The following CEBPZ variants were observed in gnomAD, a reference collection of about 807,000 sequenced individuals.
CEBPZ encodes CCAAT/enhancer-binding protein zeta.
CEBPZ carries 78 observed loss-of-function variants against 104.5 expected under a neutral mutation model. That is an observed-to-expected ratio of 0.75 (90% confidence interval 0.62 to 0.90). The LOEUF (loss-of-function observed/expected upper bound fraction) is 0.90. Ranked by LOEUF, CEBPZ falls within the 40% of genes least tolerant of loss-of-function variation. CEBPZ has a pLI of 0.00. For missense variants in CEBPZ, 1,439 were observed against 1,233.5 expected (o/e 1.17, Z -2.50); for synonymous variants, 470 against 427.0 (o/e 1.10, Z -1.24).
At chr2:37,213,748 T>C in intron 10 of CEBPZ, 116 bp downstream of exon 10, 1 of 672,626 alleles carries the variant, frequency 1.5e-6, no homozygotes, top group Non-Finnish European at 2.5e-6. Flanking sequence ...GTGATTTGCA[T>C]GATATTCTTA....
At chr2:37,215,826 T>A (rs113912805) in intron 8 of CEBPZ, among the ~76,000 whole-genome samples, 2 of 151,962 alleles carry the variant, frequency 1.3e-5, no homozygotes, top group African/African-American at 4.8e-5. Flanking sequence ...TACATAGGGG[T>A]TGTGGATGAA....
intron 12 of CEBPZ, 51 bp from the exon 13 acceptor site, chr2:37,211,133 G>A (rs1258000986): frequency 8.4e-7 from 1 of 1,188,832 alleles, no homozygotes; most frequent in Non-Finnish European, 1.2e-6. Context: ...AATAAGACTG[G>A]AAAATATTAC....
intron 8 of CEBPZ, 50 bp from the exon 9 acceptor site, chr2:37,215,002 T>C: frequency 8.4e-7 from 1 of 1,185,266 alleles, no homozygotes; most frequent in Non-Finnish European, 1.3e-6. Context: ...ATCCCCTTTA[T>C]GTTACTCAAG....
Position 37,228,944 on chromosome 2 carries a change from TTC to T in CEBPZ, c.247_248del (p.Glu83IlefsTer9), listed in dbSNP as rs1321720903. The T allele has an allele frequency of 5.0e-6, 8 of 1,611,184 alleles. No homozygotes were observed. The highest frequency in any genetic ancestry group is 6.8e-6 in the Non-Finnish European group (8 of 1,179,108). On this transcript the variant is annotated frameshift_variant, in exon 2 of 16. Coordinates refer to ENST00000234170, the MANE Select transcript of CEBPZ (RefSeq NM_005760.3). LOFTEE classifies it high-confidence loss of function. ...KGAIDDLQQGELEAFIQNLNL... is the reference protein window; with the variant it reads ...KGAIDDLQQGXLEAFIQNLNL... ...TAAGATTTTGAATAAATGCTTCCAA[TTC>T]ACCTTGCTGAAGGTCATCGATTGCT...
chr2:37,208,288 ATCAT>A (rs572361043), intron 13 of CEBPZ, among the ~76,000 whole-genome samples: 2 of 152,108 alleles, frequency 1.3e-5, no homozygotes, highest in Non-Finnish European at 2.9e-5. Flanking sequence ...TCCTCCCTAA[ATCAT>A]TCAATGAAGC....
rs1276428402 is a variant in CEBPZ at position 37,212,365 on chromosome 2, C to T, written c.2573G>A (p.Ser858Asn). ...IDTFEDDNCFSSGKDDMDFAG... is the reference protein window; with the variant it reads ...IDTFEDDNCFNSGKDDMDFAG... Reference sequence around the variant, plus strand: ...AAAATCCATATCATCCTTTCCAGAGCTGAAACAGTTATCATCTTCAAATGT... The same window carrying T: ...AAAATCCATATCATCCTTTCCAGAGTTGAAACAGTTATCATCTTCAAATGT... Residue 858 changes from serine to asparagine, a missense_variant, in exon 11 of 16, where the codon AGC becomes AAC. Transcript: ENST00000234170. The T allele has an allele frequency of 3.1e-6, 5 of 1,613,566 alleles. No individual in the cohort carries two copies. The highest frequency in any genetic ancestry group is 8.5e-7 in the Non-Finnish European group (1 of 1,179,760).
Position 37,227,969 on chromosome 2 carries a change from T to C in CEBPZ, c.1224A>G (p.Thr408=), listed in dbSNP as rs1237659683. 2 of 1,614,226 alleles carry C rather than the reference T, an allele frequency of 1.2e-6. No individual in the cohort carries two copies. The highest frequency in any genetic ancestry group is 1.6e-4 in the Middle Eastern group (1 of 6,062). The part of the protein sequence containing the change: ...IATKASHLLE[T]LLCKHPNMKG... ...TCATATTGGGATGTTTACAAAGTAA[T>C]GTCTCTAACAGATGGGATGCTTTTG... The change falls in exon 2 of 16, where the codon ACA becomes ACG. Residue 408 remains threonine, a synonymous_variant. Coordinates refer to ENST00000234170, the MANE Select transcript of CEBPZ (RefSeq NM_005760.3).
intron 13 of CEBPZ, chr2:37,204,767 A>G (rs1030065495): frequency 5.3e-5 from 8 of 152,216 alleles, no homozygotes; most frequent in African/African-American, 1.2e-4. Flanking sequence ...GTTTCAGTCA[A>G]TTCTGTTGGG....
intron 6 of CEBPZ, 143 bp downstream of exon 6, chr2:37,216,841 G>C: frequency 1.4e-6 from 1 of 696,504 alleles, no homozygotes. Context: ...TACTCTGTAT[G>C]AAACAAGTCA....
rs569299504 is a variant in CEBPZ at position 37,211,913 on chromosome 2, T to G, written c.2730A>C (p.Glu910Asp). Residue 910 changes from glutamate (E) to aspartate (D), a missense_variant, in exon 12 of 16, where the codon GAA becomes GAC. Physicochemically the swap from Glu to Asp is conservative, Grantham distance 45. Coordinates refer to ENST00000234170, the MANE Select transcript of CEBPZ (RefSeq NM_005760.3). ...CTCCATCTTCATCAACTTCAGCAAA[T>G]TCTTCATCATCCATACTTCCTAAAG... ...EVSLGSMDDE[E>D]FAEVDEDGGT... 100 of 1,613,376 alleles carry G rather than the reference T, an allele frequency of 6.2e-5. No homozygotes were observed. In the East Asian group the frequency reaches 2.1e-3, roughly 34 times the overall value.
At position 37,211,995 on chromosome 2, in the gene CEBPZ, T is replaced by C. The variant is rs957290644; in HGVS notation, c.2648A>G (p.Asp883Gly). 2 of 1,610,540 alleles carry C rather than the reference T, an allele frequency of 1.2e-6. No homozygotes were observed. Among genetic ancestry groups the C allele is most frequent in the Non-Finnish European group, 1.7e-6 (2 of 1,179,054 alleles). The change falls in exon 12 of 16, where the codon GAT becomes GGT. Residue 883 changes from aspartate to glycine, a missense_variant. Coordinates refer to ENST00000234170, the MANE Select transcript of CEBPZ (RefSeq NM_005760.3). Reference protein sequence around the residue: ...RTKGAKDNTLDEDSEGSDDEL... With the variant: ...RTKGAKDNTLGEDSEGSDDEL... ...ATCATCACTACCTTCTGAATCTTCA[T>C]CTAATGTGTTATCCTTAGCTCCTTT...
At chr2:37,229,738 C>T (rs930562023) in intron 1 of CEBPZ, among the ~76,000 whole-genome samples, 6 of 152,198 alleles carry the variant, frequency 3.9e-5, no homozygotes, top group Non-Finnish European at 8.8e-5. Context: ...GACATGGTCT[C>T]GCTCTGTTGT....
At chr2:37,204,636 A>G (rs1677465999) in intron 13 of CEBPZ, 1 of 152,078 alleles carries the variant, frequency 6.6e-6, no homozygotes, top group Non-Finnish European at 1.5e-5. Context: ...TAAAGTTTCT[A>G]TAAGGTATGT....
chr2:37,228,441 A>T lies in CEBPZ; in HGVS notation c.752T>A (p.Met251Lys). Reference protein sequence around the residue: ...SGTLGDRMAAMILLIQDDAVH... With the variant: ...SGTLGDRMAAKILLIQDDAVH... Reference sequence around the variant, plus strand: ...GGCATCATCCTGAATAAGAAGAATCATGGCTGCCATCCTGTCACCTAGTGT... The same window carrying T: ...GGCATCATCCTGAATAAGAAGAATCTTGGCTGCCATCCTGTCACCTAGTGT... The change falls in exon 2 of 16, where the codon ATG (methionine) becomes AAG (lysine). Residue 251 changes from methionine to lysine, a missense_variant. Met to Lys is a moderately conservative substitution (Grantham distance 95). Transcript: ENST00000234170. 6.2e-7 allele frequency: 1 copy of T among 1,614,242 alleles called. No homozygotes were observed. Among genetic ancestry groups the T allele is most frequent in the Non-Finnish European group, 8.5e-7 (1 of 1,180,036 alleles).
intron 4 of CEBPZ, among the ~76,000 whole-genome samples, chr2:37,221,762 G>A (rs1676297028): frequency 6.6e-6 from 1 of 152,138 alleles, no homozygotes; most frequent in Non-Finnish European, 1.5e-5. Context: ...GAATTAATTT[G>A]ACTGTGAGTC....
At chr2:37,226,782 T>C (rs993897447) in intron 2 of CEBPZ, among the ~76,000 whole-genome samples, 1 of 152,230 alleles carries the variant, frequency 6.6e-6, no homozygotes, top group African/African-American at 2.4e-5. Context: ...TATTAATTTC[T>C]TGAACACAGT....
intron 5 of CEBPZ, among the ~76,000 whole-genome samples, chr2:37,218,236 C>T (rs1339380676): frequency 6.6e-6 from 1 of 150,828 alleles, no homozygotes; most frequent in East Asian, 2.0e-4. Flanking sequence ...CACCGCACTC[C>T]AGCCTGGGCG....
chr2:37,211,198 A>G (rs1394118314), intron 12 of CEBPZ, 116 bp from the exon 13 acceptor site: 1 of 595,888 alleles, frequency 1.7e-6, no homozygotes. Flanking sequence ...CTGCTATTCC[A>G]TGTGGGTTTT....
Position 37,223,206 on chromosome 2 carries a change from T to C in CEBPZ, c.1845A>G (p.Ala615=). ...ALYLVSEILK[A]KPGLRSQLDD... is the part of the protein sequence containing the mutation. ...CTAGTTGGCTTCTTAAACCTGGTTTTGCTTTAAGGATCTCAGACACAAGAT... is the reference window on the plus strand; with the variant it reads ...CTAGTTGGCTTCTTAAACCTGGTTTCGCTTTAAGGATCTCAGACACAAGAT... Residue 615 remains alanine (A), a synonymous_variant, in exon 3 of 16, where the codon GCA becomes GCG. Coordinates refer to ENST00000234170, the MANE Select transcript of CEBPZ (RefSeq NM_005760.3). The C allele has an allele frequency of 6.2e-7, 1 of 1,614,158 alleles. No individual in the cohort carries two copies. Among genetic ancestry groups the C allele is most frequent in the Non-Finnish European group, 8.5e-7 (1 of 1,179,996 alleles).
Sources: gnomAD v4.1 joint callset for allele counts (sites outside exome capture counted in the v4.1 genomes callset) on GRCh38, gnomAD v4.1.1 for gene constraint, MANE v1.5 for transcripts, NCBI Gene and HGNC (gene_info 2026-07-23, HGNC 2026-07-21) for gene names.